Variants in GABRQ observed in about 807,000 individuals in gnomAD.
The protein encoded by GABRQ is gamma-aminobutyric acid type A receptor subunit theta.
In GABRQ, 19 loss-of-function variants were observed where a neutral mutation model predicts 30.5. The observed-to-expected ratio is 0.62, with a 90% CI of 0.43 to 0.91. GABRQ has a LOEUF of 0.91. Ranked by LOEUF, GABRQ falls within the 40% of genes least tolerant of loss-of-function variation. GABRQ has a pLI of 0.00. For synonymous variants in GABRQ, 187 were observed against 210.2 expected (o/e 0.89, Z 0.95); for missense variants, 520 against 521.4 (o/e 1.00, Z 0.03).
chrX:152,648,141 G>A (rs185705997), intron 4 of GABRQ, among the ~76,000 whole-genome samples: 7 of 111,267 alleles, frequency 6.3e-5, no homozygotes, highest in Non-Finnish European at 7.5e-5. Flanking sequence ...ACACGTGCAC[G>A]CGCACACCAT....
At chrX:152,641,615 G>A (rs5925194) in intron 2 of GABRQ, among the ~76,000 whole-genome samples, 31,236 of 110,323 alleles carry the variant, frequency 0.28, 4,411 homozygotes, top group African/African-American at 0.56. Context: ...AAGTGTGAGA[G>A]CAGAAGGCAC....
chrX:152,647,037 T>C lies in GABRQ; in HGVS notation c.396T>C (p.Tyr132=), dbSNP rs1316007111. Residue 132 remains tyrosine (Y), a synonymous_variant, in exon 4 of 9, where the codon TAT becomes TAC. Transcript: ENST00000598523. ...YETTLNLTLD[Y]RMHEKLWVPD... is the part of the protein sequence containing the mutation. ...CCACCCTGAACTTGACCCTGGACTA[T>C]CGGATGCATGAGAAGTTGTGGGTCC... 2 of 1,202,628 alleles carry C rather than the reference T, an allele frequency of 1.7e-6. No individual in the cohort carries two copies. The highest frequency in any genetic ancestry group is 3.5e-5 in the African/African-American group (2 of 56,964).
intron 1 of GABRQ, among the ~76,000 whole-genome samples, chrX:152,638,788 T>G (rs1556817841): frequency 9.0e-6 from 1 of 111,402 alleles, no homozygotes; most frequent in Non-Finnish European, 1.9e-5. Flanking sequence ...TGTTTGAGTC[T>G]ACATTTTAGT....
Position 152,638,292 on chromosome X carries a change from G to A in GABRQ, c.90G>A (p.Pro30=). 1 of 1,211,301 alleles carries A rather than the reference G, an allele frequency of 8.3e-7. No individual in the cohort carries two copies. Among genetic ancestry groups the A allele is most frequent in the Non-Finnish European group, 1.1e-6 (1 of 894,631 alleles). Reference sequence around the variant, plus strand: ...AGGGCAACTACCCCAGTCCCATCCCGAAATTCCACTTCGAGTTCTCCTCTG... The same window carrying A: ...AGGGCAACTACCCCAGTCCCATCCCAAAATTCCACTTCGAGTTCTCCTCTG... ...LAEGNYPSPI[P]KFHFEFSSAV... Residue 30 remains proline (P), a synonymous_variant, in exon 1 of 9, where the codon CCG becomes CCA. Coordinates refer to ENST00000598523, the MANE Select transcript of GABRQ (RefSeq NM_018558.4).
chrX:152,646,504 T>C (rs1197527813), intron 3 of GABRQ, among the ~76,000 whole-genome samples: 4 of 112,566 alleles, frequency 3.6e-5, no homozygotes, highest in Non-Finnish European at 7.5e-5. Flanking sequence ...CTCACAAAGA[T>C]AATGTTGAGT....
chrX:152,652,495 T>A, intron 8 of GABRQ, 46 bp from the exon 9 acceptor site: 1 of 1,093,381 alleles, frequency 9.1e-7, no homozygotes, highest in Non-Finnish European at 1.2e-6. Context: ...TGCATATCCA[T>A]CTAGGCGATA....
intron 2 of GABRQ, among the ~76,000 whole-genome samples, chrX:152,641,556 A>G (rs2034441691): frequency 8.9e-6 from 1 of 111,979 alleles, no homozygotes; most frequent in South Asian, 3.8e-4. Context: ...TAAGCTTTGG[A>G]GGTGGGACCC....
At chrX:152,657,874 C>T (rs1419088544), downstream of GABRQ, among the ~76,000 whole-genome samples, 1 of 112,438 alleles carries the variant, frequency 8.9e-6, no homozygotes, top group Non-Finnish European at 1.9e-5. Flanking sequence ...GACTTGAGCC[C>T]GCAAGTCAAG....
intron 4 of GABRQ, among the ~76,000 whole-genome samples, 169 bp downstream of exon 4, chrX:152,647,337 T>G (rs41313408): frequency 0.15 from 16,783 of 111,094 alleles, 988 homozygotes; most frequent in African/African-American, 0.17. Context: ...AATTTCACAG[T>G]TTCCCACAGA....
rs1556819810 is a variant in GABRQ at position 152,649,733 on chromosome X, C to G, written c.611-9C>G. 1 of 1,179,658 alleles carries G rather than the reference C, an allele frequency of 8.5e-7. No homozygotes were observed. Among genetic ancestry groups the G allele is most frequent in the African/African-American group, 1.8e-5 (1 of 56,392 alleles). On this transcript the variant is annotated splice_polypyrimidine_tract_variant and intron_variant, in intron 5 of 8. Coordinates refer to ENST00000598523, the MANE Select transcript of GABRQ (RefSeq NM_018558.4). ...AATCTGAGACTACCTCTGTTTCTCT[C>G]CTTCCCAGATGGTTACACGGTTGAA...
intron 2 of GABRQ, among the ~76,000 whole-genome samples, chrX:152,644,427 T>A (rs5925196): frequency 0.13 from 14,700 of 112,026 alleles, 825 homozygotes; most frequent in Middle Eastern, 0.2. Context: ...GATAGGTACA[T>A]GGACATTAAC....
At position 152,654,605 on chromosome X, in the gene GABRQ, C is replaced by A. The variant is rs182673566; in HGVS notation, c.*1324C>A. 8.2e-5 allele frequency: 9 copies of A among 109,338 alleles called. No homozygotes were observed. The Admixed American group carries it at 8.7e-4, about 11-fold the overall frequency. 9.0% of individuals were successfully genotyped at this position (109,338 alleles called of 1,213,427 possible). Reference sequence around the variant, plus strand: ...CCTGGGGCATCTCTGCAGGAATAGGCTGGTGACCAGCCAATGAGCGTGACG... The same window carrying A: ...CCTGGGGCATCTCTGCAGGAATAGGATGGTGACCAGCCAATGAGCGTGACG... On this transcript the variant is annotated 3_prime_UTR_variant, in exon 9 of 9. Coordinates refer to ENST00000598523, the MANE Select transcript of GABRQ (RefSeq NM_018558.4).
intron 2 of GABRQ, among the ~76,000 whole-genome samples, chrX:152,644,861 A>G (rs781986190): frequency 9.0e-6 from 1 of 111,361 alleles, no homozygotes; most frequent in Non-Finnish European, 1.9e-5. Context: ...CAAGCTCACA[A>G]ACATGCACGG....
Position 152,646,992 on chromosome X carries a change from A to G in GABRQ, c.351A>G (p.Ser117=). 1 of 1,208,115 alleles carries G rather than the reference A, an allele frequency of 8.3e-7. No homozygotes were observed. Among genetic ancestry groups the G allele is most frequent in the East Asian group, 3.0e-5 (1 of 33,814 alleles). The change falls in exon 4 of 9, where the codon TCA becomes TCG. Residue 117 remains serine, a synonymous_variant. Coordinates refer to ENST00000598523, the MANE Select transcript of GABRQ (RefSeq NM_018558.4). ...TTTTTCATCAGACTTGGAAAGATTC[A>G]CGCTTAGCATACTATGAGACCACCC... ...TMFFHQTWKD[S]RLAYYETTLN... is the part of the protein sequence containing the mutation.
rs782748347 is a variant in GABRQ, at chrX:152,654,739, G to A, written c.*1458G>A. ...GCTCCACCTCACTGATGGAGGTTGT[G>A]AGGGAGTGAACTTTGCCGAGCACTC... On this transcript the variant is annotated 3_prime_UTR_variant, in exon 9 of 9. Coordinates refer to ENST00000598523, the MANE Select transcript of GABRQ (RefSeq NM_018558.4). 1 of 112,212 alleles carries A rather than the reference G, an allele frequency of 8.9e-6. No individual in the cohort carries two copies. The highest frequency in any genetic ancestry group is 3.8e-4 in the South Asian group (1 of 2,665). 9.2% of individuals were successfully genotyped at this position (112,212 alleles called of 1,213,427 possible). A position where few individuals can be genotyped will look rare whatever the true frequency, so the allele number is the denominator to read the frequency against.
Position 152,647,464 on chromosome X carries a change from C to T in GABRQ, c.527+296C>T, listed in dbSNP as rs782801913. On this transcript the variant is annotated intron_variant, in intron 4 of 8. Coordinates refer to ENST00000598523, the MANE Select transcript of GABRQ (RefSeq NM_018558.4). Reference sequence around the variant, plus strand: ...CTTGCCCACCCTGAAATCCCTAACTCAAATGCCCCCTTGGTCAGGAAGTCC... The same window carrying T: ...CTTGCCCACCCTGAAATCCCTAACTTAAATGCCCCCTTGGTCAGGAAGTCC... Among the ~76,000 whole-genome samples the T allele has an allele frequency of 2.7e-5, 3 of 111,842 alleles. No homozygotes were observed. The East Asian group carries it at 8.5e-4, about 32-fold the overall frequency.
At chrX:152,640,280 T>C (rs183916136) in intron 1 of GABRQ, 98 bp from the exon 2 acceptor site, 2 of 565,156 alleles carry the variant, frequency 3.5e-6, no homozygotes, top group East Asian at 6.6e-5. Context: ...ACTGGACATG[T>C]CTGCGTATGT....
At chrX:152,639,543 G>A (rs1022894158) in intron 1 of GABRQ, among the ~76,000 whole-genome samples, 1 of 112,003 alleles carries the variant, frequency 8.9e-6, no homozygotes, top group East Asian at 2.8e-4. Context: ...TGAATTGGGT[G>A]AGCGTGTCAG....
rs1930732433 is a variant in GABRQ at position 152,640,478 on chromosome X, C to G, written c.238+12C>G. On this transcript the variant is annotated intron_variant, in intron 2 of 8. Coordinates refer to ENST00000598523, the MANE Select transcript of GABRQ (RefSeq NM_018558.4). The stretch of plus-strand genomic sequence containing the variant: ...ACCGAATTTTGGAGGTAAGGCATAT[C>G]CAGACACTAGAGAACTTGGGTTAGG... 1.9e-6 allele frequency: 2 copies of G among 1,056,641 alleles called. No individual in the cohort carries two copies. The highest frequency in any genetic ancestry group is 1.9e-5 in the South Asian group (1 of 53,747). 87.1% of individuals were successfully genotyped at this position (1,056,641 alleles called of 1,213,427 possible).
Sources: gnomAD v4.1 joint callset for allele counts (sites outside exome capture counted in the v4.1 genomes callset) on GRCh38, gnomAD v4.1.1 for gene constraint, MANE v1.5 for transcripts, NCBI Gene and HGNC (gene_info 2026-07-23, HGNC 2026-07-21) for gene names.